AUTS2: variants seen among roughly 807,000 people sequenced by gnomAD.
AUTS2 encodes the protein autism susceptibility gene 2 protein.
AUTS2 carries 17 observed loss-of-function variants against 112.4 expected under a neutral mutation model. That is an observed-to-expected ratio of 0.15 (90% CI 0.10 to 0.23). The LOEUF (loss-of-function observed/expected upper bound fraction) is 0.23, where lower values mean the gene tolerates loss of function less well. Among genes scored for constraint, AUTS2 ranks in the 10% least tolerant of loss-of-function variants. The pLI is 1.00. For synonymous variants in AUTS2, 751 were observed against 702.7 expected (o/e 1.07, Z -1.09); for missense variants, 1,510 against 1,701.6 (o/e 0.89, Z 1.98).
intron 1 of AUTS2, among the ~76,000 whole-genome samples, chr7:69,633,519 C>A (rs1026665768): frequency 6.6e-6 from 1 of 152,158 alleles, no homozygotes; most frequent in African/African-American, 2.4e-5. Flanking sequence ...TTAGAAACCT[C>A]CATACTATTT....
At chr7:70,250,012 T>A (rs1310296822) in intron 4 of AUTS2, among the ~76,000 whole-genome samples, 2 of 151,562 alleles carry the variant, frequency 1.3e-5, no homozygotes, top group East Asian at 3.9e-4. Context: ...GAACAAAATA[T>A]TAATATTTTA....
chr7:70,220,319 C>T (rs901567045), intron 4 of AUTS2, among the ~76,000 whole-genome samples: 1 of 152,084 alleles, frequency 6.6e-6, no homozygotes, highest in Non-Finnish European at 1.5e-5. Flanking sequence ...TGGATTTGGC[C>T]TACAGGCTGT....
intron 2 of AUTS2, among the ~76,000 whole-genome samples, chr7:70,077,617 A>G (rs551159210): frequency 6.6e-6 from 1 of 152,290 alleles, no homozygotes; most frequent in Admixed American, 6.5e-5. Flanking sequence ...CATAATGAAA[A>G]CATTTGGAAG....
chr7:69,971,779 T>C (rs942926395), intron 2 of AUTS2, among the ~76,000 whole-genome samples: 1 of 152,244 alleles, frequency 6.6e-6, no homozygotes, highest in Non-Finnish European at 1.5e-5. Flanking sequence ...TCAAGTTGTA[T>C]GCTATTAGTT....
At chr7:70,668,777 G>A (rs1264277589) in intron 5 of AUTS2, among the ~76,000 whole-genome samples, 1 of 152,226 alleles carries the variant, frequency 6.6e-6, no homozygotes. Flanking sequence ...AAAGTGGAGG[G>A]GAATTCCGAA....
At chr7:70,580,842 C>G (rs887059918) in intron 5 of AUTS2, among the ~76,000 whole-genome samples, 5 of 152,072 alleles carry the variant, frequency 3.3e-5, no homozygotes, top group African/African-American at 1.2e-4. Flanking sequence ...TTAAAGGAGC[C>G]CAGGAGTCCG....
At chr7:70,153,809 T>C (rs1807588514) in intron 4 of AUTS2, among the ~76,000 whole-genome samples, 1 of 152,228 alleles carries the variant, frequency 6.6e-6, no homozygotes, top group Non-Finnish European at 1.5e-5. Flanking sequence ...CTTTGTTAAA[T>C]GTTCAAAAAT....
intron 1 of AUTS2, among the ~76,000 whole-genome samples, chr7:69,863,790 C>A (rs1793096726): frequency 6.6e-6 from 1 of 152,188 alleles, no homozygotes; most frequent in African/African-American, 2.4e-5. Flanking sequence ...CCCTCCACAC[C>A]TGAGTACATC....
chr7:70,651,696 A>G (rs1311046890), intron 5 of AUTS2, among the ~76,000 whole-genome samples: 1 of 152,238 alleles, frequency 6.6e-6, no homozygotes, highest in African/African-American at 2.4e-5. Flanking sequence ...ATACCAGCAT[A>G]AAGTCGAAAA....
chr7:70,430,551 A>G (rs1303789866), intron 4 of AUTS2, among the ~76,000 whole-genome samples: 2 of 152,188 alleles, frequency 1.3e-5, no homozygotes, highest in Non-Finnish European at 2.9e-5. Context: ...GTTTCAGCAT[A>G]TACATGGTAG....
intron 4 of AUTS2, among the ~76,000 whole-genome samples, chr7:70,412,451 A>G (rs1464197795): frequency 6.6e-6 from 1 of 152,228 alleles, no homozygotes; most frequent in African/African-American, 2.4e-5. Flanking sequence ...TCGTAGAGCA[A>G]GGAATCTAAG....
intron 1 of AUTS2, among the ~76,000 whole-genome samples, chr7:69,827,686 T>C (rs1791313268): frequency 6.6e-6 from 1 of 152,116 alleles, no homozygotes; most frequent in East Asian, 1.9e-4. Context: ...AAACAAAGCT[T>C]ATCTTTTTGG....
At chr7:69,602,038 A>ATG (rs1233014731) in intron 1 of AUTS2, among the ~76,000 whole-genome samples, 135 of 10,010 alleles carry the variant, frequency 0.013, no homozygotes, top group Non-Finnish European at 0.02. Context: ...ATATATATAT[A>ATG]TATGTGTGTG....
In AUTS2 at chr7:70,754,931, C is replaced by G. The variant is rs75525946; in HGVS notation, c.743-7939C>G. Among the ~76,000 whole-genome samples the G allele has an allele frequency of 8.5e-3, 1,288 of 152,212 alleles. 21 individuals are homozygous for G. The highest frequency in any genetic ancestry group is 0.03 in the African/African-American group (1,232 of 41,504). On this transcript the variant is annotated intron_variant, in intron 6 of 18. Transcript: ENST00000342771. ...GTAGTTAGTAAGTCCTGTTAGGAGA[C>G]TTCGTAACAGAATATGAAGATGTGA...
intron 5 of AUTS2, among the ~76,000 whole-genome samples, chr7:70,671,167 G>A (rs1446054007): frequency 2.1e-5 from 3 of 146,114 alleles, no homozygotes; most frequent in Non-Finnish European, 4.7e-5. Flanking sequence ...CTGGGTGACA[G>A]AGCGAGACTC....
At chr7:70,444,270 G>T (rs999240968) in intron 5 of AUTS2, among the ~76,000 whole-genome samples, 10 of 152,018 alleles carry the variant, frequency 6.6e-5, no homozygotes, top group African/African-American at 1.5e-4. Context: ...GGTTGTCAGA[G>T]AATTTGTCTT....
intron 5 of AUTS2, among the ~76,000 whole-genome samples, chr7:70,578,984 TG>T (rs1802303462): frequency 6.7e-6 from 1 of 149,230 alleles, no homozygotes; most frequent in Non-Finnish European, 1.5e-5. Context: ...AGTGGTGCAG[TG>T]GTGCGATCAT....
At chr7:70,239,292 C>T (rs1028072304) in intron 4 of AUTS2, among the ~76,000 whole-genome samples, 5 of 152,154 alleles carry the variant, frequency 3.3e-5, no homozygotes, top group Non-Finnish European at 7.3e-5. Context: ...TACTCTGGCC[C>T]ATCATATGTC....
intron 4 of AUTS2, among the ~76,000 whole-genome samples, chr7:70,297,606 T>A (rs1277701294): frequency 3.3e-5 from 5 of 151,642 alleles, no homozygotes; most frequent in Non-Finnish European, 5.9e-5. Flanking sequence ...ATTTTTTTTT[T>A]TATATTTGTA....
Sources: gnomAD v4.1 joint callset for allele counts (sites outside exome capture counted in the v4.1 genomes callset) on GRCh38, gnomAD v4.1.1 for gene constraint, MANE v1.5 for transcripts, NCBI Gene and HGNC (gene_info 2026-07-23, HGNC 2026-07-21) for gene names.